Variants in RAD50 observed in about 807,000 individuals in gnomAD.
RAD50 encodes DNA repair protein RAD50.
In RAD50, 132 loss-of-function variants were observed where a neutral mutation model predicts 168.8. That is an observed-to-expected ratio of 0.78 (90% CI 0.68 to 0.90). The LOEUF (loss-of-function observed/expected upper bound fraction) is 0.90, where lower values mean the gene tolerates loss of function less well. RAD50 is among the 40% of genes least tolerant of loss of function. The pLI, the probability that RAD50 is intolerant of heterozygous loss-of-function variation, is 0.00. For missense variants in RAD50, 1,347 were observed against 1,534.4 expected, an observed-to-expected ratio of 0.88 and a Z score of 2.04; for synonymous variants, 525 against 497.4, an observed-to-expected ratio of 1.06 and a Z score of -0.74.
intron 21 of RAD50, among the ~76,000 whole-genome samples, chr5:132,635,009 T>G (rs933036557): frequency 6.6e-6 from 1 of 152,234 alleles, no homozygotes; most frequent in African/African-American, 2.4e-5. Context: ...TTCTCCTTGC[T>G]GTGTCATACC....
intron 21 of RAD50, among the ~76,000 whole-genome samples, chr5:132,621,881 A>T (rs974054359): frequency 3.3e-5 from 5 of 151,958 alleles, no homozygotes; most frequent in Non-Finnish European, 5.9e-5. Flanking sequence ...CTGAGGATTG[A>T]TATCTTCCAT....
Position 132,603,951 on chromosome 5 carries a change from C to T in RAD50, c.2429C>T (p.Ala810Val), listed in dbSNP as rs751171372. The change falls in exon 15 of 25, where the codon GCA (alanine) becomes GTA (valine). Residue 810 changes from alanine to valine, a missense_variant. Transcript: ENST00000378823. ...CTTAAAGATGTTGAAAGAAAAATTG[C>T]ACAACAAGCAGCTAAGCTACAAGGA... ...MELKDVERKI[A>V]QQAAKLQGID... is the part of the protein sequence containing the mutation. 1.2e-6 allele frequency: 2 copies of T among 1,610,034 alleles called. No homozygotes were observed. Among genetic ancestry groups the T allele is most frequent in the Admixed American group, 3.3e-5 (2 of 59,968 alleles).
At chr5:132,597,339 A>G (rs538844641) in intron 13 of RAD50, among the ~76,000 whole-genome samples, 2 of 152,298 alleles carry the variant, frequency 1.3e-5, no homozygotes, top group Admixed American at 6.5e-5. Context: ...ATGCTGTTGC[A>G]TGATTGGTCT....
At chr5:132,584,463 T>C (rs551690712) in intron 5 of RAD50, among the ~76,000 whole-genome samples, 15 of 152,346 alleles carry the variant, frequency 9.8e-5, no homozygotes, top group African/African-American at 3.6e-4. Flanking sequence ...GTAGGTTGCT[T>C]GTTCACTCTG....
intron 2 of RAD50, among the ~76,000 whole-genome samples, chr5:132,561,876 C>G (rs1750130296): frequency 6.6e-6 from 1 of 151,482 alleles, no homozygotes; most frequent in African/African-American, 2.4e-5. Context: ...CAGAATTTGT[C>G]TACTTCATTC....
chr5:132,579,542 A>G, intron 4 of RAD50, 40 bp downstream of exon 4: 1 of 1,574,304 alleles, frequency 6.4e-7, no homozygotes, highest in Non-Finnish European at 8.7e-7. Flanking sequence ...CCATTAAGTT[A>G]TTGAACTGTG....
intron 19 of RAD50, among the ~76,000 whole-genome samples, chr5:132,612,843 A>G (rs957483542): frequency 6.6e-6 from 1 of 151,954 alleles, no homozygotes; most frequent in African/African-American, 2.4e-5. Flanking sequence ...ATATATATAT[A>G]TATATGTCTA....
chr5:132,614,820 CT>C (rs1474729769), intron 19 of RAD50, among the ~76,000 whole-genome samples: 1 of 150,580 alleles, frequency 6.6e-6, no homozygotes, highest in African/African-American at 2.4e-5. Context: ...TACTTTGTGA[CT>C]GTTAAAAAAG....
chr5:132,603,789 T>G (rs1165278109), intron 14 of RAD50, 131 bp from the exon 15 acceptor site: 1 of 937,412 alleles, frequency 1.1e-6, no homozygotes, highest in African/African-American at 1.7e-5. Context: ...TATTAAACTT[T>G]GCTAAAATTG....
intron 13 of RAD50, among the ~76,000 whole-genome samples, chr5:132,601,284 C>T (rs867108586): frequency 6.6e-6 from 1 of 152,144 alleles, no homozygotes; most frequent in South Asian, 2.1e-4. Flanking sequence ...AGGCGTGAGC[C>T]GTCACACCCG....
chr5:132,598,712 G>A (rs917606556), intron 13 of RAD50, among the ~76,000 whole-genome samples: 2 of 152,188 alleles, frequency 1.3e-5, no homozygotes, highest in African/African-American at 4.8e-5. Flanking sequence ...TCTTCACATG[G>A]CCTCTGCATG....
At chr5:132,595,122 G>T (rs1285420308) in intron 12 of RAD50, 78 bp downstream of exon 12, 159 of 1,463,872 alleles carry the variant, frequency 1.1e-4, no homozygotes, top group Non-Finnish European at 1.5e-4. Flanking sequence ...TAAGGATGGG[G>T]AATTTAAAAA....
intron 21 of RAD50, among the ~76,000 whole-genome samples, chr5:132,636,301 A>G (rs73787027): frequency 0.035 from 5,281 of 152,230 alleles, 301 homozygotes; most frequent in African/African-American, 0.12. Flanking sequence ...TTTTACAAAC[A>G]TTTCTCCTCT....
Position 132,633,185 on chromosome 5 carries a change from G to A in RAD50, c.3390-3930G>A, listed in dbSNP as rs144397941. Among the ~76,000 whole-genome samples, 137 of 132,250 alleles carry A rather than the reference G, an allele frequency of 1.0e-3. 10 individuals are homozygous for A. In the East Asian group the frequency reaches 0.03, roughly 29 times the overall value. The allele number at this position is 132,250 out of a possible 152,430, so 86.8% of individuals were successfully genotyped here. Reference sequence around the variant, plus strand: ...GCACAATCTCAGCTTACTTCCTTCCGCCTCCATCTCCCGGGTTGAAGCGAT... The same window carrying A: ...GCACAATCTCAGCTTACTTCCTTCCACCTCCATCTCCCGGGTTGAAGCGAT... On this transcript the variant is annotated intron_variant, in intron 21 of 24. Coordinates refer to ENST00000378823, the MANE Select transcript of RAD50 (RefSeq NM_005732.4).
At position 132,575,733 on chromosome 5, in the gene RAD50, G is replaced by A. The variant is rs74769721; in HGVS notation, c.214-44G>A. 10,372 of 1,533,866 alleles carry A rather than the reference G, an allele frequency of 6.8e-3. 267 individuals are homozygous for A. The African/African-American group carries it at 0.079, about 12-fold the overall frequency. On this transcript the variant is annotated intron_variant, in intron 2 of 24. Transcript: ENST00000378823. ...CCTTTTTCTCAGAACCAACACTGGTGCTTATTAAAGTAACATAAGTTTTTT... is the reference window on the plus strand; with the variant it reads ...CCTTTTTCTCAGAACCAACACTGGTACTTATTAAAGTAACATAAGTTTTTT...
At chr5:132,559,134 T>G (rs188174632) in intron 1 of RAD50, 150 bp from the exon 2 acceptor site, 2 of 764,132 alleles carry the variant, frequency 2.6e-6, no homozygotes, top group Admixed American at 6.6e-5. Flanking sequence ...GCATTAACAC[T>G]TAATCATATT....
Position 132,579,362 on chromosome 5 carries a change from C to T in RAD50, c.411C>T (p.Asp137=), listed in dbSNP as rs376648463. The change falls in exon 4 of 25, where the codon GAC becomes GAT. Residue 137 remains aspartate, a synonymous_variant. Coordinates refer to ENST00000378823, the MANE Select transcript of RAD50 (RefSeq NM_005732.4). The part of the protein sequence containing the change: ...VSLSSKCAEI[D]REMISSLGVS... Reference sequence around the variant, plus strand: ...TGAGCTCTAAGTGTGCAGAAATTGACCGAGAAATGATCAGTTCTCTTGGGG... The same window carrying T: ...TGAGCTCTAAGTGTGCAGAAATTGATCGAGAAATGATCAGTTCTCTTGGGG... 4.2e-5 allele frequency: 68 copies of T among 1,613,828 alleles called. No homozygotes were observed. Among genetic ancestry groups the T allele is most frequent in the Non-Finnish European group, 5.6e-5 (66 of 1,179,934 alleles).
chr5:132,637,726 G>A (rs1409831558), intron 22 of RAD50, among the ~76,000 whole-genome samples: 1 of 152,078 alleles, frequency 6.6e-6, no homozygotes, highest in Non-Finnish European at 1.5e-5. Flanking sequence ...TAGAGATGGG[G>A]TTTCACCATG....
At chr5:132,569,078 G>A (rs1561631975) in intron 2 of RAD50, among the ~76,000 whole-genome samples, 1 of 152,062 alleles carries the variant, frequency 6.6e-6, no homozygotes, top group Non-Finnish European at 1.5e-5. Context: ...ATCCAAAGAA[G>A]CAGGGAAATA....
Sources: gnomAD v4.1 joint callset for allele counts (sites outside exome capture counted in the v4.1 genomes callset) on GRCh38, gnomAD v4.1.1 for gene constraint, MANE v1.5 for transcripts, NCBI Gene and HGNC (gene_info 2026-07-23, HGNC 2026-07-21) for gene names.